Variants in CLASP2 observed in about 807,000 individuals in gnomAD.
The protein encoded by CLASP2 is cytoplasmic linker associated protein 2, also known as CLIP-associating protein 2.
In CLASP2, 47 loss-of-function variants were observed where a neutral mutation model predicts 194.4. The ratio of observed to expected loss-of-function variants is 0.24; its 90% confidence interval spans 0.19 to 0.31. The LOEUF is 0.31. CLASP2 is among the 10% of genes least tolerant of loss of function. The pLI is 1.00. For synonymous variants in CLASP2, 619 were observed against 633.5 expected, an observed-to-expected ratio of 0.98 and a Z score of 0.34; for missense variants, 1,445 against 1,823.6, an observed-to-expected ratio of 0.79 and a Z score of 3.78.
intron 8 of CLASP2, among the ~76,000 whole-genome samples, chr3:33,639,168 C>T (rs1424333776): frequency 6.6e-6 from 1 of 152,142 alleles, no homozygotes; most frequent in Non-Finnish European, 1.5e-5. Context: ...AGTGATCCTC[C>T]CACCTCAGCC....
chr3:33,698,566 GA>G (rs2092137099), intron 1 of CLASP2, among the ~76,000 whole-genome samples: 1 of 152,132 alleles, frequency 6.6e-6, no homozygotes, highest in Non-Finnish European at 1.5e-5. Flanking sequence ...AGAAAATAGG[GA>G]AAACCTAAAG....
chr3:33,635,509 C>G (rs979314469), intron 8 of CLASP2, among the ~76,000 whole-genome samples: 16 of 152,074 alleles, frequency 1.1e-4, no homozygotes, highest in African/African-American at 3.9e-4. Flanking sequence ...ACAAGACTTA[C>G]AAAGCTGAAA....
At chr3:33,584,515 C>A (rs899081368) in intron 22 of CLASP2, among the ~76,000 whole-genome samples, 1 of 151,802 alleles carries the variant, frequency 6.6e-6, no homozygotes. Context: ...ATCCACCCCC[C>A]TCAGCCTCCC....
intron 29 of CLASP2, among the ~76,000 whole-genome samples, chr3:33,553,264 G>A (rs1287699915): frequency 6.6e-6 from 1 of 151,884 alleles, no homozygotes; most frequent in Admixed American, 6.6e-5. Flanking sequence ...AAAAAGAAGA[G>A]ATAAAATTAC....
chr3:33,557,352 T>C (rs994086550), intron 29 of CLASP2, among the ~76,000 whole-genome samples: 5 of 151,622 alleles, frequency 3.3e-5, no homozygotes, highest in East Asian at 2.0e-4. Context: ...TATCTACTTT[T>C]TTCTTTCTTT....
At chr3:33,551,014 T>C (rs1482437484) in intron 30 of CLASP2, among the ~76,000 whole-genome samples, 7 of 152,220 alleles carry the variant, frequency 4.6e-5, no homozygotes, top group African/African-American at 1.7e-4. Context: ...ATATTCCGAA[T>C]GGTGATAAAA....
chr3:33,599,091 T>C (rs1175261903), intron 18 of CLASP2, among the ~76,000 whole-genome samples: 2 of 148,288 alleles, frequency 1.3e-5, no homozygotes, highest in African/African-American at 2.6e-5. Context: ...CTCTGCTAAG[T>C]AGTTGTTGTT....
intron 11 of CLASP2, among the ~76,000 whole-genome samples, chr3:33,620,119 A>T (rs923703608): frequency 2.0e-5 from 3 of 152,230 alleles, no homozygotes; most frequent in Admixed American, 6.5e-5. Flanking sequence ...ATCAATCTTA[A>T]ATTCAGCATA....
chr3:33,606,648 C>A lies in CLASP2; in HGVS notation c.1637G>T (p.Ser546Ile). Residue 546 changes from serine to isoleucine, a missense_variant, in exon 16 of 39, where the codon AGT (serine) becomes ATT (isoleucine). Physicochemically the swap from Ser to Ile is moderately radical, Grantham distance 142. Transcript: ENST00000682230. ...GTCTGATTGTGGAAGAGATGCTACA[C>A]TGCCAGAACTCTTTAAGTAAGTTTG... is the stretch of plus-strand genomic sequence containing the variant. ...SLQTYLKSSG[S>I]VASLPQSDRS... The A allele has an allele frequency of 6.2e-7, 1 of 1,613,732 alleles. No homozygotes were observed. Among genetic ancestry groups the A allele is most frequent in the Non-Finnish European group, 8.5e-7 (1 of 1,179,710 alleles).
Position 33,622,182 on chromosome 3 carries a change from A to G in CLASP2, c.1134T>C (p.Ala378=). The stretch of plus-strand genomic sequence containing the variant: ...TAACCACCTGGGATCTAAGATCCTT[A>G]GCTGAAAGTTTAAGTGCTCCATCCA... The part of the protein sequence containing the change: ...RLLDGALKLS[A]KDLRSQVVRE... The change falls in exon 11 of 39, where the codon GCT becomes GCC. Residue 378 remains alanine, a synonymous_variant. Coordinates refer to ENST00000682230, the MANE Select transcript of CLASP2 (RefSeq NM_001365631.1). 1 of 1,605,046 alleles carries G rather than the reference A, an allele frequency of 6.2e-7. No individual in the cohort carries two copies. The highest frequency in any genetic ancestry group is 8.5e-7 in the Non-Finnish European group (1 of 1,175,792).
chr3:33,717,453 G>A (rs1163341252), intron 1 of CLASP2, among the ~76,000 whole-genome samples: 1 of 151,992 alleles, frequency 6.6e-6, no homozygotes, highest in Non-Finnish European at 1.5e-5. Flanking sequence ...TTGAGACAGA[G>A]TCTCACTCTG....
intron 29 of CLASP2, chr3:33,554,862 G>A (rs1372832138): frequency 6.5e-6 from 1 of 152,730 alleles, no homozygotes; most frequent in Non-Finnish European, 1.5e-5. Flanking sequence ...AGTGCAAAGG[G>A]ATTATGGAAT....
chr3:33,702,195 A>C (rs1232942328), intron 1 of CLASP2, among the ~76,000 whole-genome samples: 2 of 152,216 alleles, frequency 1.3e-5, no homozygotes, highest in African/African-American at 4.8e-5. Context: ...CTTGAAAAAG[A>C]AAAAGTTGGA....
intron 5 of CLASP2, among the ~76,000 whole-genome samples, chr3:33,685,387 T>C (rs1176512546): frequency 6.7e-6 from 1 of 148,700 alleles, no homozygotes; most frequent in Admixed American, 6.8e-5. Context: ...GTAGTAAGAT[T>C]ATGTAAACAA....
chr3:33,548,822 G>C (rs2059570847), intron 30 of CLASP2, among the ~76,000 whole-genome samples: 1 of 135,374 alleles, frequency 7.4e-6, no homozygotes, highest in South Asian at 2.4e-4. Context: ...GGCTGGAGTA[G>C]AGCAGCATGA....
rs2079888365 is a variant in CLASP2, at chr3:33,635,126, G to A, written c.863-2755C>T. ...AAAAAAAAACCCAGCCAGGAGTGGT[G>A]GTGTGTGCCTGTAATCTCAGCTACT... On this transcript the variant is annotated intron_variant, in intron 8 of 38. Coordinates refer to ENST00000682230, the MANE Select transcript of CLASP2 (RefSeq NM_001365631.1). Among the ~76,000 whole-genome samples the A allele has an allele frequency of 2.6e-5, 4 of 151,848 alleles. No individual in the cohort carries two copies. In the South Asian group the frequency reaches 8.3e-4, roughly 32 times the overall value.
rs775274922 is a variant in CLASP2 at position 33,589,195 on chromosome 3, G to C, written c.2068+3200C>G. ...AGAAAAACAAAAGATGGGAGGAGAG[G>C]AGACAAAGTTTCTGACGGGCTGTAC... On this transcript the variant is annotated intron_variant, in intron 21 of 38. Transcript: ENST00000682230. 8.5e-5 allele frequency among the ~76,000 whole-genome samples: 13 copies of C among 152,116 alleles called. 1 individual carries two copies. Among genetic ancestry groups the C allele is most frequent in the Non-Finnish European group, 1.8e-4 (12 of 67,948 alleles).
rs80101583 is a variant in CLASP2 at position 33,584,190 on chromosome 3, T to C, written c.2239+560A>G. 1.0e-3 allele frequency among the ~76,000 whole-genome samples: 153 copies of C among 152,208 alleles called. 4 individuals carry two copies. The East Asian group carries it at 0.026, about 26-fold the overall frequency. The stretch of plus-strand genomic sequence containing the variant: ...TATATGTGTATATGTGATAAATATG[T>C]TATAAAATTCCACAATAACCTTTTC... On this transcript the variant is annotated intron_variant, in intron 22 of 38. Coordinates refer to ENST00000682230, the MANE Select transcript of CLASP2 (RefSeq NM_001365631.1).
intron 2 of CLASP2, 57 bp downstream of exon 2, chr3:33,696,798 A>G: frequency 8.6e-7 from 1 of 1,164,744 alleles, no homozygotes; most frequent in Non-Finnish European, 1.2e-6. Flanking sequence ...AAAACTAACG[A>G]AAAAAGTCAT....
Sources: allele counts gnomAD v4.1 joint callset (sites outside exome capture counted in the v4.1 genomes callset), GRCh38; gene constraint gnomAD v4.1.1; transcripts MANE v1.5; gene names NCBI Gene and HGNC (gene_info 2026-07-23, HGNC 2026-07-21).